Variants in MPLKIP observed in about 807,000 individuals in gnomAD.
MPLKIP encodes M-phase specific PLK1 interacting protein.
In MPLKIP, 16 loss-of-function variants were observed where a neutral mutation model predicts 16.9. The observed-to-expected ratio is 0.94, with a 90% confidence interval of 0.64 to 1.43. The LOEUF (loss-of-function observed/expected upper bound fraction) is 1.43. MPLKIP is among the 40% of genes most tolerant of loss of function. The pLI, the probability that MPLKIP is intolerant of heterozygous loss-of-function variation, is 0.00. For missense variants in MPLKIP, 282 were observed against 237.6 expected (o/e 1.19, Z -1.23); for synonymous variants, 126 against 98.4 (o/e 1.28, Z -1.66).
At chr7:40,133,352 T>A in intron 1 of MPLKIP, 93 bp from the exon 2 acceptor site, 1 of 1,124,186 alleles carries the variant, frequency 8.9e-7, no homozygotes, top group Non-Finnish European at 1.3e-6. Flanking sequence ...CATTGCTGCT[T>A]AAAAGTTGTG....
intron 1 of MPLKIP, among the ~76,000 whole-genome samples, chr7:40,133,886 T>TAAAAAAAA (rs34937720): frequency 8.0e-4 from 84 of 105,486 alleles, no homozygotes; most frequent in African/African-American, 1.0e-3. Flanking sequence ...GAAAGAAAGA[T>TAAAAAAAA]AAAAAAAAAA....
At position 40,132,903 on chromosome 7, in the gene MPLKIP, A is replaced by G; in HGVS notation, c.*156T>C. On this transcript the variant is annotated 3_prime_UTR_variant, in exon 2 of 2. Transcript: ENST00000306984. Reference sequence around the variant, plus strand: ...GCAAGTTATCCTACTTTTTTCTCTAATATCAACAATACCTGATACGATGAA... The same window carrying G: ...GCAAGTTATCCTACTTTTTTCTCTAGTATCAACAATACCTGATACGATGAA... 4.3e-6 allele frequency: 3 copies of G among 699,840 alleles called. No individual in the cohort carries two copies. The highest frequency in any genetic ancestry group is 2.7e-5 in the East Asian group (1 of 36,844). 43.4% of individuals were successfully genotyped at this position (699,840 alleles called of 1,614,324 possible).
In MPLKIP at chr7:40,134,256, G is replaced by T; in HGVS notation, c.312C>A (p.Ser104=). The T allele has an allele frequency of 6.4e-7, 1 of 1,559,786 alleles. No individual in the cohort carries two copies. Residue 104 remains serine, a synonymous_variant, in exon 1 of 2, where the codon TCC becomes TCA. Coordinates refer to ENST00000306984, the MANE Select transcript of MPLKIP (RefSeq NM_138701.4). ...GGGGGTGGGTCTGCTGCTGCCCTGG[G>T]GAGTAGCCGAATTGCTGCTGGGACC... ...PAGSQQQFGY[S]PGQQQTHPQG...
In MPLKIP at chr7:40,128,988, C is replaced by G. The variant is rs1252529333; in HGVS notation, c.*4071G>C. Reference sequence around the variant, plus strand: ...TCACAGGAGATTCACCAAAACTAATCATGCTTTTTTACTAATCTTGAATAT... The same window carrying G: ...TCACAGGAGATTCACCAAAACTAATGATGCTTTTTTACTAATCTTGAATAT... On this transcript the variant is annotated 3_prime_UTR_variant, in exon 2 of 2. Transcript: ENST00000306984. 1 of 148,626 alleles carries G rather than the reference C, an allele frequency of 6.7e-6. No individual in the cohort carries two copies. The highest frequency in any genetic ancestry group is 1.5e-5 in the Non-Finnish European group (1 of 67,470). The allele number at this position is 148,626 out of a possible 1,614,324, so 9.2% of individuals were successfully genotyped here. A position where few individuals can be genotyped will look rare whatever the true frequency, so the allele number is the denominator to read the frequency against.
chr7:40,133,001 TAA>T lies in MPLKIP; in HGVS notation c.*56_*57del, dbSNP rs1244761251. 30 of 1,475,400 alleles carry T rather than the reference TAA, an allele frequency of 2.0e-5. No homozygotes were observed. The highest frequency in any genetic ancestry group is 2.6e-5 in the Non-Finnish European group (28 of 1,060,368). The allele number at this position is 1,475,400 out of a possible 1,614,324, so 91.4% of individuals were successfully genotyped here. A position where few individuals can be genotyped will look rare whatever the true frequency, so the allele number is the denominator to read the frequency against. Reference sequence around the variant, plus strand: ...TGGGTAAATTTATATCAACACAACTTAAAGTTTTGTCCAAGATGTTCCTGACA... The same window carrying T: ...TGGGTAAATTTATATCAACACAACTTAGTTTTGTCCAAGATGTTCCTGACA... On this transcript the variant is annotated 3_prime_UTR_variant, in exon 2 of 2. Transcript: ENST00000306984.
rs1330869476 is a variant in MPLKIP, at chr7:40,131,839, AAAACAAAACAAAAC to A, written c.*1206_*1219del. On this transcript the variant is annotated 3_prime_UTR_variant, in exon 2 of 2. Transcript: ENST00000306984. ...GGCAACAGAGTGAGACCCTATTTCA[AAAACAAAACAAAAC>A]AAACAAAAAAAACAAAACATGGTCT... 8 of 139,732 alleles carry A rather than the reference AAAACAAAACAAAAC, an allele frequency of 5.7e-5. No homozygotes were observed. Among genetic ancestry groups the A allele is most frequent in the African/African-American group, 2.7e-4 (8 of 29,810 alleles). 8.7% of individuals were successfully genotyped at this position (139,732 alleles called of 1,614,324 possible).
rs1030428063 is a variant in MPLKIP, at chr7:40,130,597, A to G, written c.*2462T>C. 25 of 152,248 alleles carry G rather than the reference A, an allele frequency of 1.6e-4. No individual in the cohort carries two copies. The highest frequency in any genetic ancestry group is 6.0e-4 in the African/African-American group (25 of 41,470). The allele number at this position is 152,248 out of a possible 1,614,324, so 9.4% of individuals were successfully genotyped here. A position where few individuals can be genotyped will look rare whatever the true frequency, so the allele number is the denominator to read the frequency against. On this transcript the variant is annotated 3_prime_UTR_variant, in exon 2 of 2. Coordinates refer to ENST00000306984, the MANE Select transcript of MPLKIP (RefSeq NM_138701.4). ...AAATATGATATAAATACACTGGCACAAAATCCTAACTTCTGTTTTCGTCTT... is the reference window on the plus strand; with the variant it reads ...AAATATGATATAAATACACTGGCACGAAATCCTAACTTCTGTTTTCGTCTT...
intron 1 of MPLKIP, among the ~76,000 whole-genome samples, 179 bp downstream of exon 1, chr7:40,134,050 C>CT (rs768584300): frequency 4.6e-5 from 7 of 152,280 alleles, no homozygotes; most frequent in Non-Finnish European, 7.4e-5. Context: ...CTCTGCCACT[C>CT]TTTCGGATAA....
Position 40,132,993 on chromosome 7 carries a change from A to G in MPLKIP, c.*66T>C. 1 of 1,409,562 alleles carries G rather than the reference A, an allele frequency of 7.1e-7. No individual in the cohort carries two copies. The highest frequency in any genetic ancestry group is 1.0e-6 in the Non-Finnish European group (1 of 1,003,928). The allele number at this position is 1,409,562 out of a possible 1,614,324, so 87.3% of individuals were successfully genotyped here. A position where few individuals can be genotyped will look rare whatever the true frequency, so the allele number is the denominator to read the frequency against. Reference sequence around the variant, plus strand: ...ATCATCTTTGGGTAAATTTATATCAACACAACTTAAAGTTTTGTCCAAGAT... The same window carrying G: ...ATCATCTTTGGGTAAATTTATATCAGCACAACTTAAAGTTTTGTCCAAGAT... On this transcript the variant is annotated 3_prime_UTR_variant, in exon 2 of 2. Coordinates refer to ENST00000306984, the MANE Select transcript of MPLKIP (RefSeq NM_138701.4).
rs928769990 is a variant in MPLKIP, at chr7:40,131,160, T to C, written c.*1899A>G. 4 of 151,552 alleles carry C rather than the reference T, an allele frequency of 2.6e-5. No homozygotes were observed. The highest frequency in any genetic ancestry group is 9.8e-5 in the African/African-American group (4 of 40,808). 9.4% of individuals were successfully genotyped at this position (151,552 alleles called of 1,614,324 possible). On this transcript the variant is annotated 3_prime_UTR_variant, in exon 2 of 2. Transcript: ENST00000306984. Reference sequence around the variant, plus strand: ...GTGAACTCATCCAGCTAGTAACTTGTAGAAACAGCATTTCCAAAATCCTGG... The same window carrying C: ...GTGAACTCATCCAGCTAGTAACTTGCAGAAACAGCATTTCCAAAATCCTGG...
rs1787438773 is a variant in MPLKIP at position 40,129,792 on chromosome 7, A to AAAG, written c.*3266_*3267insCTT. On this transcript the variant is annotated 3_prime_UTR_variant, in exon 2 of 2. Coordinates refer to ENST00000306984, the MANE Select transcript of MPLKIP (RefSeq NM_138701.4). ...GGAGACCCTCTAACTCTTTGAAAAA[A>AAAG]AAAAAAAGTCTGTTAATGTTCAAAG... 6.6e-6 allele frequency: 1 copy of AAAG among 152,000 alleles called. No homozygotes were observed. The allele number at this position is 152,000 out of a possible 1,614,324, so 9.4% of individuals were successfully genotyped here.
rs2150557811 is a variant in MPLKIP, at chr7:40,126,697, G to A, written c.*6362C>T. The A allele has an allele frequency of 6.6e-6, 1 of 152,316 alleles. No homozygotes were observed. The highest frequency in any genetic ancestry group is 6.5e-5 in the Admixed American group (1 of 15,288). The allele number at this position is 152,316 out of a possible 1,614,324, so 9.4% of individuals were successfully genotyped here. On this transcript the variant is annotated 3_prime_UTR_variant, in exon 2 of 2. Transcript: ENST00000306984. The stretch of plus-strand genomic sequence containing the variant: ...CCGCCTCGGCCTCCCAAAGTGCTGG[G>A]ATTACAGGCGTGAGCCACCGCGCCC...
At chr7:40,133,486 G>A (rs969024267) in intron 1 of MPLKIP, among the ~76,000 whole-genome samples, 4 of 152,066 alleles carry the variant, frequency 2.6e-5, no homozygotes, top group African/African-American at 9.7e-5. Flanking sequence ...CATGACCACT[G>A]TCATCTCAAA....
Position 40,134,526 on chromosome 7 carries a change from AGGG to A in MPLKIP, c.39_41del (p.Pro14del). On this transcript the variant is annotated inframe_deletion, in exon 1 of 2. Coordinates refer to ENST00000306984, the MANE Select transcript of MPLKIP (RefSeq NM_138701.4). ...TACCCCAACCTCCTCCACCCGGACC[AGGG>A]TAAGGAGGAGTTGGGGGCCGAAAAT... is the stretch of plus-strand genomic sequence containing the variant. 1 of 1,594,822 alleles carries A rather than the reference AGGG, an allele frequency of 6.3e-7. No homozygotes were observed. The highest frequency in any genetic ancestry group is 8.5e-7 in the Non-Finnish European group (1 of 1,172,406).
Position 40,126,573 on chromosome 7 carries a change from C to G in MPLKIP, c.*6486G>C, listed in dbSNP as rs891945493. ...CTCAGCCTCCCAAGTAGCTGGGATA[C>G]AGGCACATGCCACCATGTCTAATTT... is the stretch of plus-strand genomic sequence containing the variant. On this transcript the variant is annotated 3_prime_UTR_variant, in exon 2 of 2. Coordinates refer to ENST00000306984, the MANE Select transcript of MPLKIP (RefSeq NM_138701.4). The G allele has an allele frequency of 2.6e-5, 4 of 151,698 alleles. No individual in the cohort carries two copies. Among genetic ancestry groups the G allele is most frequent in the African/African-American group, 9.7e-5 (4 of 41,290 alleles). 9.4% of individuals were successfully genotyped at this position (151,698 alleles called of 1,614,324 possible).
In MPLKIP at chr7:40,127,980, T is replaced by G. The variant is rs111874274; in HGVS notation, c.*5079A>C. On this transcript the variant is annotated 3_prime_UTR_variant, in exon 2 of 2. Transcript: ENST00000306984. ...ACTGCTTGAACCCAGGAGGCGGAGG[T>G]TGCAGTGAGCCGAGATCACACCACT... 2 of 151,412 alleles carry G rather than the reference T, an allele frequency of 1.3e-5. No individual in the cohort carries two copies. Among genetic ancestry groups the G allele is most frequent in the Non-Finnish European group, 2.9e-5 (2 of 68,050 alleles). The allele number at this position is 151,412 out of a possible 1,614,324, so 9.4% of individuals were successfully genotyped here.
At position 40,128,144 on chromosome 7, in the gene MPLKIP, T is replaced by C. The variant is rs1298653052; in HGVS notation, c.*4915A>G. ...TTTTCAGACTAGTCAAGTGCAGCAGTGAGAAGCGGGGGGAAGACGAGAACA... is the reference window on the plus strand; with the variant it reads ...TTTTCAGACTAGTCAAGTGCAGCAGCGAGAAGCGGGGGGAAGACGAGAACA... On this transcript the variant is annotated 3_prime_UTR_variant, in exon 2 of 2. Transcript: ENST00000306984. The C allele has an allele frequency of 6.6e-6, 1 of 151,922 alleles. No homozygotes were observed. The highest frequency in any genetic ancestry group is 1.5e-5 in the Non-Finnish European group (1 of 67,990). 9.4% of individuals were successfully genotyped at this position (151,922 alleles called of 1,614,324 possible).
chr7:40,133,549 G>A (rs1179550014), intron 1 of MPLKIP, among the ~76,000 whole-genome samples: 1 of 152,192 alleles, frequency 6.6e-6, no homozygotes, highest in African/African-American at 2.4e-5. Context: ...AAGCAGTGAT[G>A]AAATCAAGTA....
rs1324909713 is a variant in MPLKIP, at chr7:40,130,259, A to G, written c.*2800T>C. On this transcript the variant is annotated 3_prime_UTR_variant, in exon 2 of 2. Coordinates refer to ENST00000306984, the MANE Select transcript of MPLKIP (RefSeq NM_138701.4). ...GCATTTTTATAGAGGTAAAATGTGT[A>G]TCCTAGAACATTAAAAAACAATCCC... is the stretch of plus-strand genomic sequence containing the variant. 1.3e-5 allele frequency: 2 copies of G among 152,236 alleles called. No individual in the cohort carries two copies. Among genetic ancestry groups the G allele is most frequent in the African/African-American group, 4.8e-5 (2 of 41,472 alleles). The allele number at this position is 152,236 out of a possible 1,614,324, so 9.4% of individuals were successfully genotyped here. A position where few individuals can be genotyped will look rare whatever the true frequency, so the allele number is the denominator to read the frequency against.
Sources: gnomAD v4.1 joint callset for allele counts (sites outside exome capture counted in the v4.1 genomes callset) on GRCh38, gnomAD v4.1.1 for gene constraint, MANE v1.5 for transcripts, NCBI Gene and HGNC (gene_info 2026-07-23, HGNC 2026-07-21) for gene names.